The following CWC22 variants were observed in gnomAD, a reference collection of about 807,000 sequenced individuals.
CWC22 encodes CWC22 spliceosome associated protein.
Under a neutral mutation model 117.2 loss-of-function variants are expected in CWC22, and 53 were observed. The ratio of observed to expected loss-of-function variants is 0.45; its 90% CI spans 0.36 to 0.57. The LOEUF is 0.57. Among genes scored for constraint, CWC22 ranks in the 20% least tolerant of loss-of-function variants. CWC22 has a pLI of 0.00. For missense variants in CWC22, 980 were observed against 1,068.8 expected, an observed-to-expected ratio of 0.92 and a Z score of 1.16; for synonymous variants, 360 against 355.6, an observed-to-expected ratio of 1.01 and a Z score of -0.14.
At position 179,978,263 on chromosome 2, in the gene CWC22, T is replaced by C; in HGVS notation, c.508A>G (p.Ile170Val). The part of the protein sequence containing the change: ...EALKKSINGL[I>V]NKVNISNISI... ...ATGTTGGAAATGTTGACTTTGTTGA[T>C]AAGGCCATTAATTGACTTCTTCAGG... Residue 170 changes from isoleucine (I) to valine (V), a missense_variant, in exon 6 of 20, where the codon ATC (isoleucine) becomes GTC (valine). By Grantham distance (29) the Ile-to-Val change is conservative (BLOSUM62 3). Coordinates refer to ENST00000410053, the MANE Select transcript of CWC22 (RefSeq NM_020943.3). 1 of 1,570,110 alleles carries C rather than the reference T, an allele frequency of 6.4e-7. No individual in the cohort carries two copies. The highest frequency in any genetic ancestry group is 8.6e-7 in the Non-Finnish European group (1 of 1,159,430).
intron 6 of CWC22, among the ~76,000 whole-genome samples, chr2:179,977,305 G>A (rs777384132): frequency 9.2e-5 from 14 of 152,138 alleles, no homozygotes; most frequent in Non-Finnish European, 1.5e-4. Flanking sequence ...TATTCACAAT[G>A]GTGAAAATAT....
In CWC22 at chr2:179,986,576, G is replaced by A. The variant is rs189308778; in HGVS notation, c.206+119C>T. On this transcript the variant is annotated intron_variant, in intron 4 of 19. Coordinates refer to ENST00000410053, the MANE Select transcript of CWC22 (RefSeq NM_020943.3). ...TATAAAGCCCTTATTAGAAAGCCTA[G>A]CACCTAAAAACATCCAATTAATGTT... is the stretch of plus-strand genomic sequence containing the variant. 1.1e-4 allele frequency: 62 copies of A among 568,112 alleles called. No individual in the cohort carries two copies. The African/African-American group carries it at 1.2e-3, about 11-fold the overall frequency. The allele number at this position is 568,112 out of a possible 1,614,324, so 35.2% of individuals were successfully genotyped here.
chr2:179,945,950 T>G (rs1265845955), intron 19 of CWC22, among the ~76,000 whole-genome samples: 1 of 152,134 alleles, frequency 6.6e-6, no homozygotes, highest in African/African-American at 2.4e-5. Flanking sequence ...TGGCGCAATC[T>G]CGGCTCACTG....
chr2:180,002,577 G>C (rs1345964021), intron 1 of CWC22, among the ~76,000 whole-genome samples: 1 of 152,198 alleles, frequency 6.6e-6, no homozygotes, highest in East Asian at 1.9e-4. Flanking sequence ...GTCTATGTAC[G>C]GTGGGGAGAT....
At chr2:179,985,820 G>GTATATA (rs66496305) in intron 4 of CWC22, among the ~76,000 whole-genome samples, 15 of 151,136 alleles carry the variant, frequency 9.9e-5, no homozygotes, top group African/African-American at 3.6e-4. Flanking sequence ...AAAAAACATA[G>GTATATA]TATATATATA....
intron 1 of CWC22, among the ~76,000 whole-genome samples, chr2:179,994,166 A>G (rs557121906): frequency 6.6e-6 from 1 of 152,348 alleles, no homozygotes; most frequent in African/African-American, 2.4e-5. Context: ...TTGCATTCAA[A>G]TATTTTATTG....
At chr2:179,964,463 T>C in intron 13 of CWC22, 84 bp downstream of exon 13, 1 of 677,076 alleles carries the variant, frequency 1.5e-6, no homozygotes, top group Non-Finnish European at 2.5e-6. Context: ...TTTTCTGTTA[T>C]GAGACCCTAA....
At chr2:179,997,468 C>T (rs574343552) in intron 1 of CWC22, among the ~76,000 whole-genome samples, 2 of 152,208 alleles carry the variant, frequency 1.3e-5, no homozygotes, top group African/African-American at 4.8e-5. Context: ...ATTTTAGGAC[C>T]ATTTGCCTCA....
intron 1 of CWC22, among the ~76,000 whole-genome samples, chr2:179,998,793 G>A (rs576871040): frequency 6.6e-6 from 1 of 152,050 alleles, no homozygotes; most frequent in Admixed American, 6.5e-5. Flanking sequence ...GGTATACTAT[G>A]AGCAAAAAAT....
Position 179,988,566 on chromosome 2 carries a change from A to G in CWC22, c.95+11T>C, listed in dbSNP as rs1423963687. ...ATTTACATTGCATTCAGAGCATATT[A>G]AACTATTTACCTGTCTTCTGGAGAG... On this transcript the variant is annotated intron_variant, in intron 3 of 19. Coordinates refer to ENST00000410053, the MANE Select transcript of CWC22 (RefSeq NM_020943.3). 1.3e-5 allele frequency: 18 copies of G among 1,380,832 alleles called. No homozygotes were observed. Among genetic ancestry groups the G allele is most frequent in the Non-Finnish European group, 1.7e-5 (17 of 999,462 alleles). The allele number at this position is 1,380,832 out of a possible 1,614,324, so 85.5% of individuals were successfully genotyped here.
intron 13 of CWC22, among the ~76,000 whole-genome samples, chr2:179,963,544 G>T (rs1027514943): frequency 1.3e-5 from 2 of 150,800 alleles, no homozygotes; most frequent in African/African-American, 4.9e-5. Flanking sequence ...GGGTTTCACC[G>T]TGTTAGCCAG....
intron 14 of CWC22, among the ~76,000 whole-genome samples, chr2:179,956,285 A>T (rs1358065300): frequency 6.6e-6 from 1 of 151,870 alleles, no homozygotes; most frequent in Non-Finnish European, 1.5e-5. Flanking sequence ...TCAACATGGT[A>T]GCCGCTAGCC....
chr2:180,004,566 T>A (rs1687924111), intron 1 of CWC22, among the ~76,000 whole-genome samples: 1 of 152,172 alleles, frequency 6.6e-6, no homozygotes. Flanking sequence ...TGATTTTTTT[T>A]GTATTTTTAG....
intron 4 of CWC22, among the ~76,000 whole-genome samples, chr2:179,983,131 TACAAG>T (rs1687326618): frequency 6.6e-6 from 1 of 152,134 alleles, no homozygotes; most frequent in African/African-American, 2.4e-5. Flanking sequence ...AGTTCAGGGG[TACAAG>T]TGCAGGTTTA....
At chr2:179,962,256 A>T (rs1686770520) in intron 13 of CWC22, among the ~76,000 whole-genome samples, 1 of 152,190 alleles carries the variant, frequency 6.6e-6, no homozygotes, top group Non-Finnish European at 1.5e-5. Flanking sequence ...AATTTAAAAA[A>T]TAAAATTTCC....
chr2:179,986,151 A>T (rs182882296), intron 4 of CWC22, among the ~76,000 whole-genome samples: 2 of 152,202 alleles, frequency 1.3e-5, no homozygotes, highest in East Asian at 1.9e-4. Flanking sequence ...CCAAGGAAAT[A>T]TTGCAAGTCT....
At chr2:179,984,715 C>CA (rs1687374209) in intron 4 of CWC22, among the ~76,000 whole-genome samples, 1 of 151,928 alleles carries the variant, frequency 6.6e-6, no homozygotes, top group South Asian at 2.1e-4. Flanking sequence ...AAAACAATGA[C>CA]AAAGGCAGAA....
In CWC22 at chr2:179,954,262, C is replaced by T; in HGVS notation, c.1632G>A (p.Leu544=). ...GAGCAAACATCTTAGCAACATTTCG[C>T]AACTTGTTTGTTTCCAAGCGATGGA... ...DTIHRLETNK[L]RNVAKMFAHL... Residue 544 remains leucine, a synonymous_variant, in exon 16 of 20, where the codon TTG becomes TTA. Transcript: ENST00000410053. 1 of 1,611,984 alleles carries T rather than the reference C, an allele frequency of 6.2e-7. No homozygotes were observed. Among genetic ancestry groups the T allele is most frequent in the Non-Finnish European group, 8.5e-7 (1 of 1,178,636 alleles).
intron 14 of CWC22, among the ~76,000 whole-genome samples, chr2:179,957,161 A>C (rs1176875289): frequency 6.6e-6 from 1 of 152,178 alleles, no homozygotes; most frequent in East Asian, 1.9e-4. Flanking sequence ...CAGTAATTTC[A>C]GTGACAATTA....
Sources: gnomAD v4.1 joint callset for allele counts (sites outside exome capture counted in the v4.1 genomes callset) on GRCh38, gnomAD v4.1.1 for gene constraint, MANE v1.5 for transcripts, NCBI Gene and HGNC (gene_info 2026-07-23, HGNC 2026-07-21) for gene names.